The following GPS1 variants were observed in gnomAD, a reference collection of about 807,000 sequenced individuals.
GPS1 encodes the protein G protein pathway suppressor 1.
In GPS1, 11 loss-of-function variants were observed where a neutral mutation model predicts 60.0. The ratio of observed to expected loss-of-function variants is 0.18; its 90% confidence interval spans 0.12 to 0.30. The LOEUF (loss-of-function observed/expected upper bound fraction) is 0.30. Among genes scored for constraint, GPS1 ranks in the 10% least tolerant of loss-of-function variants. The pLI, the probability that GPS1 is intolerant of heterozygous loss-of-function variation, is 1.00. For synonymous variants in GPS1, 343 were observed against 269.8 expected, an observed-to-expected ratio of 1.27 and a Z score of -2.66; for missense variants, 543 against 669.2, an observed-to-expected ratio of 0.81 and a Z score of 2.08.
At chr17:82,053,740 C>G (rs1445319702) in intron 2 of GPS1, 128 bp from the exon 3 acceptor site, 7 of 914,088 alleles carry the variant, frequency 7.7e-6, no homozygotes, top group African/African-American at 1.7e-5. Flanking sequence ...CCCCCATGCC[C>G]GGTTCTGGTT....
intron 6 of GPS1, 175 bp downstream of exon 6, chr17:82,055,397 C>G (rs1228281240): frequency 2.9e-6 from 2 of 697,840 alleles, no homozygotes; most frequent in Non-Finnish European, 5.0e-6. Context: ...CCCGGGGAAG[C>G]CAGTGGGTGA....
intron 5 of GPS1, 30 bp downstream of exon 5, chr17:82,055,005 C>G (rs767047840): frequency 6.2e-7 from 1 of 1,612,546 alleles, no homozygotes; most frequent in South Asian, 1.1e-5. Flanking sequence ...AGACCTTGCC[C>G]CCAGGATTCC....
Position 82,055,796 on chromosome 17 carries a change from G to A in GPS1, c.805G>A (p.Ala269Thr). ...YKQAAKCLLL[A>T]SFDHCDFPEL... Reference sequence around the variant, plus strand: ...GCAGGCTGCCAAGTGCCTCCTGCTGGCTTCCTTTGATCACTGTGACTTCCC... The same window carrying A: ...GCAGGCTGCCAAGTGCCTCCTGCTGACTTCCTTTGATCACTGTGACTTCCC... Residue 269 changes from alanine (A) to threonine (T), a missense_variant, in exon 7 of 13, where the codon GCT (alanine) becomes ACT (threonine). By Grantham distance (58) the Ala-to-Thr change is moderately conservative. This residue lies in a region of GPS1 where 291 missense variants were observed against 353.7 expected (regional missense o/e 0.82). Transcript: ENST00000578552. 6.4e-7 allele frequency: 1 copy of A among 1,564,444 alleles called. No homozygotes were observed. Among genetic ancestry groups the A allele is most frequent in the Non-Finnish European group, 8.7e-7 (1 of 1,153,706 alleles).
intron 6 of GPS1, chr17:82,055,426 C>T: frequency 3.1e-6 from 2 of 638,446 alleles, no homozygotes; most frequent in South Asian, 3.7e-5. Flanking sequence ...CAGGGTCTGG[C>T]TGCTGTCACT....
rs764030794 is a variant in GPS1, at chr17:82,055,182, C to T, written c.708C>T (p.Ser236=). 6.4e-7 allele frequency: 1 copy of T among 1,561,770 alleles called. No individual in the cohort carries two copies. The highest frequency in any genetic ancestry group is 1.2e-5 in the South Asian group (1 of 85,110). Residue 236 remains serine, a synonymous_variant, in exon 6 of 13, where the codon AGC becomes AGT. Transcript: ENST00000578552. ...EIAEQRGERD[S]QTQAILTKLK... ...TACAGCAGCGAGGAGAGCGTGACAG[C>T]CAGACCCAGGCCATCCTCACCAAGC...
At chr17:82,053,204 C>T (rs1248214835) in intron 1 of GPS1, 70 bp from the exon 2 acceptor site, 1 of 1,227,596 alleles carries the variant, frequency 8.1e-7, no homozygotes, top group Non-Finnish European at 1.1e-6. Context: ...CCTCAGAGAA[C>T]AGTGCGGGTC....
rs377636863 is a variant in GPS1, at chr17:82,056,106, C to T, written c.929+11C>T. 1.9e-5 allele frequency: 30 copies of T among 1,604,196 alleles called. No individual in the cohort carries two copies. Among genetic ancestry groups the T allele is most frequent in the Admixed American group, 6.7e-5 (4 of 59,924 alleles). ...TGTCATCTCCAGCAGGTAGGTGCCC[C>T]GGTCCTGCAGCCCTGAAGGCTGTCC... is the stretch of plus-strand genomic sequence containing the variant. On this transcript the variant is annotated intron_variant, in intron 8 of 12. Transcript: ENST00000578552.
Position 82,057,330 on chromosome 17 carries a change from C to T in GPS1, c.*203C>T, listed in dbSNP as rs768040376. On this transcript the variant is annotated 3_prime_UTR_variant, in exon 13 of 13. Transcript: ENST00000578552. ...CCTGGAAGGAGAGGCCTGCAGGGCT[C>T]GACCCTGTGGGTTTCTGTCCCCAGG... 8.7e-5 allele frequency: 65 copies of T among 751,334 alleles called. No homozygotes were observed. The highest frequency in any genetic ancestry group is 3.6e-4 in the African/African-American group (21 of 58,036). The allele number at this position is 751,334 out of a possible 1,614,324, so 46.5% of individuals were successfully genotyped here.
intron 2 of GPS1, 164 bp from the exon 3 acceptor site, chr17:82,053,704 C>G: frequency 2.8e-6 from 2 of 704,872 alleles, no homozygotes; most frequent in Non-Finnish European, 4.6e-6. Context: ...GTCTTCGTAG[C>G]TCCTGGGACA....
At chr17:82,051,324 C>G, upstream of GPS1, 4 of 1,446,652 alleles carry the variant, frequency 2.8e-6, no homozygotes, top group Non-Finnish European at 3.6e-6. This position sits in a 1 kb window ranked among gnomAD's most constrained non-coding sequence, Gnocchi z 4.1. Context: ...GGGTCGTCCC[C>G]GTCGGTGAAG....
intron 1 of GPS1, chr17:82,052,704 T>C (rs1024518328): frequency 1.3e-5 from 7 of 547,642 alleles, no homozygotes; most frequent in African/African-American, 9.5e-5. Context: ...TTTTCCAGCC[T>C]GCTTTGTGTT....
chr17:82,057,028 G>A (rs1256606563), intron 12 of GPS1, 25 bp from the exon 13 acceptor site: 2 of 1,609,290 alleles, frequency 1.2e-6, no homozygotes, highest in Admixed American at 1.7e-5. Flanking sequence ...TGGTGGCTGT[G>A]AGCTGCTCCT....
chr17:82,054,510 G>A lies in GPS1; in HGVS notation c.309G>A (p.Arg103=), dbSNP rs1250189127. Residue 103 remains arginine, a splice_region_variant and synonymous_variant, in exon 4 of 13, where the codon AGG becomes AGA. Coordinates refer to ENST00000578552, the MANE Select transcript of GPS1 (RefSeq NM_001321092.3). ...EIHRKLSEAT[R]ELQNAPDAIP... is the part of the protein sequence containing the mutation. The stretch of plus-strand genomic sequence containing the variant: ...TCCTGATGGCCAGGTCCTCTCTCAG[G>A]GAGCTGCAGAACGCACCCGACGCCA... 9.9e-6 allele frequency: 15 copies of A among 1,514,498 alleles called. No homozygotes were observed. The highest frequency in any genetic ancestry group is 1.2e-5 in the Non-Finnish European group (14 of 1,134,068). The allele number at this position is 1,514,498 out of a possible 1,614,324, so 93.8% of individuals were successfully genotyped here.
chr17:82,055,704 C>T (rs985820231), intron 6 of GPS1, 36 bp from the exon 7 acceptor site: 4 of 1,386,976 alleles, frequency 2.9e-6, no homozygotes, highest in South Asian at 2.5e-5. Context: ...GTCTTACCCC[C>T]TCTCCCCCCT....
upstream of GPS1, chr17:82,051,453 G>A (rs1334935673): frequency 7.5e-7 from 1 of 1,341,914 alleles, no homozygotes. This position sits in a 1 kb window ranked among gnomAD's most constrained non-coding sequence, Gnocchi z 4.1. Flanking sequence ...CTGGGAGGCG[G>A]GGCGGGTGGG....
At chr17:82,055,362 G>A (rs1413584945) in intron 6 of GPS1, 140 bp downstream of exon 6, 1 of 826,002 alleles carries the variant, frequency 1.2e-6, no homozygotes. Context: ...CACATGTACA[G>A]GTGTAGGTGG....
upstream of GPS1, chr17:82,051,628 G>T: frequency 5.2e-6 from 6 of 1,160,120 alleles, no homozygotes; most frequent in Non-Finnish European, 6.4e-6. This position sits in a 1 kb window ranked among gnomAD's most constrained non-coding sequence, Gnocchi z 4.1. Context: ...GGCCGGGACG[G>T]GGGCGCGCGC....
Position 82,056,479 on chromosome 17 carries a change from C to G in GPS1, c.1045C>G (p.Leu349Val). 1 of 1,613,224 alleles carries G rather than the reference C, an allele frequency of 6.2e-7. No homozygotes were observed. Among genetic ancestry groups the G allele is most frequent in the Non-Finnish European group, 8.5e-7 (1 of 1,180,004 alleles). Residue 349 changes from leucine to valine, a missense_variant, in exon 10 of 13, where the codon CTC becomes GTC. Leu to Val is a conservative substitution (Grantham distance 32, BLOSUM62 1). Around this residue, in one of 3 missense-constraint regions of GPS1, gnomAD observed 291 missense variants for 353.7 expected, o/e 0.82. Coordinates refer to ENST00000578552, the MANE Select transcript of GPS1 (RefSeq NM_001321092.3). ...CCAGCCCCTTCCCCAGGACAACCTG[C>G]TCCTGGACATGTATCTGGCCCCCCA... ...KMLDEMKDNLLLDMYLAPHVR... is the reference protein window; with the variant it reads ...KMLDEMKDNLVLDMYLAPHVR...
At chr17:82,053,677 C>T in intron 2 of GPS1, 191 bp from the exon 3 acceptor site, 1 of 616,298 alleles carries the variant, frequency 1.6e-6, no homozygotes, top group Non-Finnish European at 2.7e-6. Flanking sequence ...GGCTCCTGCG[C>T]CAGGCCCACC....
Sources: allele counts gnomAD v4.1 joint callset, GRCh38; gene constraint gnomAD v4.1.1; regional missense constraint gnomAD v4.1.1; non-coding constraint Gnocchi (gnomAD v3.1); transcripts MANE v1.5; gene names NCBI Gene and HGNC (gene_info 2026-07-23, HGNC 2026-07-21).